MSI2: variants seen among roughly 807,000 people sequenced by gnomAD.
MSI2 encodes RNA-binding protein Musashi homolog 2.
Under a neutral mutation model 45.6 loss-of-function variants are expected in MSI2, and 17 were observed. The ratio of observed to expected loss-of-function variants is 0.37; its 90% confidence interval spans 0.26 to 0.56. MSI2 has a LOEUF of 0.56. Ranked by LOEUF, MSI2 falls within the 20% of genes least tolerant of loss-of-function variation. The probability of loss-of-function intolerance (pLI) is 0.77; values close to 1 mark genes in which losing one functional copy is unlikely to be tolerated. For missense variants in MSI2, 293 were observed against 444.2 expected, an observed-to-expected ratio of 0.66 and a Z score of 3.06; for synonymous variants, 156 against 158.2, an observed-to-expected ratio of 0.99 and a Z score of 0.11.
chr17:57,359,722 C>A lies in MSI2; in HGVS notation c.313-41657C>A, dbSNP rs537806382. On this transcript the variant is annotated intron_variant, in intron 5 of 13. Transcript: ENST00000284073. ...TTTCGGAAATCCCAATTGTTGAGGC[C>A]CTGGCTGAAGCCCTGTCGAGCCCTT... Among the ~76,000 whole-genome samples, 7 of 152,290 alleles carry A rather than the reference C, an allele frequency of 4.6e-5. No individual in the cohort carries two copies. The South Asian group carries it at 1.4e-3, about 32-fold the overall frequency.
At chr17:57,411,329 C>T (rs752194450) in intron 6 of MSI2, among the ~76,000 whole-genome samples, 4 of 152,204 alleles carry the variant, frequency 2.6e-5, no homozygotes, top group African/African-American at 4.8e-5. Flanking sequence ...TTAATAAGAG[C>T]AACCCATTTC....
intron 11 of MSI2, among the ~76,000 whole-genome samples, chr17:57,668,393 C>T (rs1284895560): frequency 6.6e-6 from 1 of 152,108 alleles, no homozygotes; most frequent in East Asian, 1.9e-4. Flanking sequence ...GATCTTTCTA[C>T]AAAATAATTC....
chr17:57,543,487 A>AC (rs1271745552), intron 7 of MSI2, among the ~76,000 whole-genome samples: 1 of 152,200 alleles, frequency 6.6e-6, no homozygotes, highest in African/African-American at 2.4e-5. Flanking sequence ...ATGCATTTCT[A>AC]CCCCAGAGGC....
chr17:57,377,680 A>T (rs916894540), intron 5 of MSI2, among the ~76,000 whole-genome samples: 1 of 152,114 alleles, frequency 6.6e-6, no homozygotes, highest in African/African-American at 2.4e-5. Flanking sequence ...CTTGCTCTTC[A>T]TTACTTTAAA....
At chr17:57,650,797 A>T (rs1252897193) in intron 10 of MSI2, among the ~76,000 whole-genome samples, 2 of 152,140 alleles carry the variant, frequency 1.3e-5, no homozygotes, top group East Asian at 3.8e-4. Flanking sequence ...CTTAGTGTTT[A>T]GTGGGCTTCT....
rs1567865710 is a variant in MSI2 at position 57,507,221 on chromosome 17, CTCTCTGTG to C, written c.406-22453_406-22446del. ...TCTTCCCATTGGTTTTTGTCTTTGT[CTCTCTGTG>C]TGTGTGTGTGTGTGTGTGTGTGTGT... On this transcript the variant is annotated intron_variant, in intron 6 of 13. Transcript: ENST00000284073. Among the ~76,000 whole-genome samples the C allele has an allele frequency of 8.5e-5, 5 of 58,532 alleles. 1 individual carries two copies. The highest frequency in any genetic ancestry group is 3.5e-4 in the Admixed American group (2 of 5,678). The allele number at this position is 58,532 out of a possible 152,430, so 38.4% of individuals were successfully genotyped here.
chr17:57,533,464 G>A (rs1481608204), intron 7 of MSI2, among the ~76,000 whole-genome samples: 2 of 152,212 alleles, frequency 1.3e-5, no homozygotes, highest in African/African-American at 4.8e-5. Flanking sequence ...GAGCATCTCA[G>A]GTTCTTCCTC....
intron 5 of MSI2, among the ~76,000 whole-genome samples, chr17:57,401,050 A>G (rs2083980248): frequency 6.6e-6 from 1 of 152,112 alleles, no homozygotes; most frequent in Non-Finnish European, 1.5e-5. Flanking sequence ...TGTTTTGTTC[A>G]CGTCTCTTAG....
intron 7 of MSI2, among the ~76,000 whole-genome samples, chr17:57,566,875 T>A (rs556600503): frequency 1.5e-4 from 23 of 152,204 alleles, no homozygotes; most frequent in Non-Finnish European, 3.1e-4. Flanking sequence ...TTTCTCTGCC[T>A]GCCTGTGAAG....
At chr17:57,504,206 T>C (rs1319676715) in intron 6 of MSI2, among the ~76,000 whole-genome samples, 1 of 152,168 alleles carries the variant, frequency 6.6e-6, no homozygotes, top group African/African-American at 2.4e-5. Flanking sequence ...CAGGGCACCC[T>C]CCCTTCCCGT....
chr17:57,503,811 C>T lies in MSI2; in HGVS notation c.406-25865C>T, dbSNP rs113913988. ...CCAGGCTGGAGTGCAGTCGCGCAATCGCGGCTCACGACAACCTCCGCCTCC... is the reference window on the plus strand; with the variant it reads ...CCAGGCTGGAGTGCAGTCGCGCAATTGCGGCTCACGACAACCTCCGCCTCC... On this transcript the variant is annotated intron_variant, in intron 6 of 13. Coordinates refer to ENST00000284073, the MANE Select transcript of MSI2 (RefSeq NM_138962.4). Among the ~76,000 whole-genome samples, 22 of 152,272 alleles carry T rather than the reference C, an allele frequency of 1.4e-4. 1 individual carries two copies. The highest frequency in any genetic ancestry group is 4.6e-4 in the African/African-American group (19 of 41,558).
At chr17:57,698,082 G>T in the MSI2 span, among the ~76,000 whole-genome samples, 15 of 151,984 alleles carry the variant, frequency 9.9e-5, no homozygotes, top group African/African-American at 3.4e-4. Context: ...CACCCTCTCA[G>T]CAGGATTCTG....
intron 5 of MSI2, among the ~76,000 whole-genome samples, chr17:57,294,115 C>T (rs1910716914): frequency 6.6e-6 from 1 of 152,060 alleles, no homozygotes; most frequent in Non-Finnish European, 1.5e-5. Flanking sequence ...TCCCTATGTT[C>T]TGGAGGCGGA....
intron 2 of MSI2, 138 bp downstream of exon 2, chr17:57,257,276 A>G: frequency 1.9e-6 from 1 of 537,200 alleles, no homozygotes; most frequent in Non-Finnish European, 3.1e-6. Context: ...TTTTTTAAAT[A>G]GCAAATCCTT....
chr17:57,624,559 C>G (rs1263232204), intron 9 of MSI2, among the ~76,000 whole-genome samples: 1 of 152,142 alleles, frequency 6.6e-6, no homozygotes, highest in Non-Finnish European at 1.5e-5. Flanking sequence ...GGCTCCTGCT[C>G]CTTAGCTAGC....
intron 6 of MSI2, among the ~76,000 whole-genome samples, chr17:57,494,444 A>C (rs2085936035): frequency 6.6e-6 from 1 of 152,156 alleles, no homozygotes. Context: ...GGGCTGGAGA[A>C]GTAGAGGAGG....
chr17:57,674,089 C>A (rs1008672015), intron 11 of MSI2, among the ~76,000 whole-genome samples: 2 of 151,676 alleles, frequency 1.3e-5, no homozygotes, highest in African/African-American at 2.4e-5. Flanking sequence ...CATTCCCCCC[C>A]ATCCCTCCCT....
At chr17:57,430,658 T>G (rs945687620) in intron 6 of MSI2, among the ~76,000 whole-genome samples, 1 of 152,206 alleles carries the variant, frequency 6.6e-6, no homozygotes, top group African/African-American at 2.4e-5. Flanking sequence ...ACTCAACAGA[T>G]TCTGTCTGTC....
intron 7 of MSI2, among the ~76,000 whole-genome samples, chr17:57,536,110 A>G (rs1008428400): frequency 2.0e-5 from 3 of 151,880 alleles, no homozygotes; most frequent in African/African-American, 7.3e-5. Context: ...AAAAGAGGGC[A>G]TAGAAAAAAG....
Sources: allele counts gnomAD v4.1 joint callset (sites outside exome capture counted in the v4.1 genomes callset), GRCh38; gene constraint gnomAD v4.1.1; transcripts MANE v1.5; gene names NCBI Gene and HGNC (gene_info 2026-07-23, HGNC 2026-07-21).